CCDC178: variants seen among roughly 807,000 people sequenced by gnomAD.
The protein encoded by CCDC178 is coiled-coil domain-containing protein 178.
In CCDC178, 126 loss-of-function variants were observed where a neutral mutation model predicts 117.4. That is an observed-to-expected ratio of 1.07 (90% CI 0.93 to 1.24). CCDC178 has a LOEUF of 1.24. Among genes scored for constraint, CCDC178 ranks in the 50% most tolerant of loss-of-function variants. The pLI is 0.00. For missense variants in CCDC178, 1,030 were observed against 986.9 expected (o/e 1.04, Z -0.59); for synonymous variants, 283 against 313.4 (o/e 0.90, Z 1.02).
intron 5 of CCDC178, among the ~76,000 whole-genome samples, chr18:33,381,186 C>T (rs1411233705): frequency 6.6e-6 from 1 of 152,074 alleles, no homozygotes; most frequent in Non-Finnish European, 1.5e-5. Context: ...TTAATTAGAT[C>T]AGGACCTTGT....
At chr18:33,200,903 C>T (rs537766814) in intron 20 of CCDC178, among the ~76,000 whole-genome samples, 5 of 152,316 alleles carry the variant, frequency 3.3e-5, no homozygotes, top group African/African-American at 1.2e-4. Flanking sequence ...TCTGACAACA[C>T]ATGACTTCAA....
intron 14 of CCDC178, 105 bp downstream of exon 14, chr18:33,266,811 A>T (rs1261044532): frequency 8.6e-7 from 1 of 1,160,176 alleles, no homozygotes; most frequent in Admixed American, 3.4e-5. Flanking sequence ...GCTACTGATA[A>T]ACAAAAACAC....
intron 20 of CCDC178, among the ~76,000 whole-genome samples, chr18:33,133,813 G>A (rs1264776554): frequency 2.0e-5 from 3 of 151,896 alleles, no homozygotes; most frequent in African/African-American, 4.8e-5. Flanking sequence ...TTTCTGGGAC[G>A]TTTTCCTGTA....
intron 21 of CCDC178, among the ~76,000 whole-genome samples, chr18:33,067,703 C>T (rs1298724229): frequency 3.3e-5 from 5 of 151,916 alleles, no homozygotes; most frequent in African/African-American, 7.3e-5. Context: ...ATTAGCCCGG[C>T]GTGGTGGGGC....
chr18:33,283,260 C>T (rs1016425522), intron 12 of CCDC178, among the ~76,000 whole-genome samples: 7 of 152,034 alleles, frequency 4.6e-5, no homozygotes, highest in African/African-American at 1.4e-4. Context: ...CGAAGTCAGT[C>T]GGCTGAATCC....
intron 10 of CCDC178, among the ~76,000 whole-genome samples, chr18:33,325,429 T>C (rs1404822308): frequency 6.6e-6 from 1 of 152,058 alleles, no homozygotes; most frequent in Non-Finnish European, 1.5e-5. Context: ...ATAATTTAAG[T>C]AATTTTTCAA....
intron 12 of CCDC178, among the ~76,000 whole-genome samples, chr18:33,292,898 C>A (rs188528159): frequency 1.7e-4 from 26 of 152,122 alleles, no homozygotes; most frequent in Non-Finnish European, 3.4e-4. Context: ...TTTAGTCTTG[C>A]CAGACCTGGG....
intron 9 of CCDC178, among the ~76,000 whole-genome samples, chr18:33,337,099 G>A (rs944573652): frequency 6.7e-6 from 1 of 149,818 alleles, no homozygotes; most frequent in African/African-American, 2.5e-5. Context: ...AGTTTTCCTT[G>A]CAGAGGTCTT....
At chr18:32,946,531 T>C (rs932397745) in intron 22 of CCDC178, among the ~76,000 whole-genome samples, 9 of 152,172 alleles carry the variant, frequency 5.9e-5, no homozygotes, top group African/African-American at 2.2e-4. Flanking sequence ...TTCTATATAC[T>C]GATCCTCAAA....
At chr18:33,126,997 A>AAAAATAT (rs71266914) in intron 20 of CCDC178, among the ~76,000 whole-genome samples, 1 of 141,186 alleles carries the variant, frequency 7.1e-6, no homozygotes, top group African/African-American at 2.7e-5. Flanking sequence ...AAAAAAAAAA[A>AAAAATAT]ATATATATAT....
At chr18:33,183,160 T>C (rs1237955521) in intron 20 of CCDC178, among the ~76,000 whole-genome samples, 1 of 152,086 alleles carries the variant, frequency 6.6e-6, no homozygotes, top group Non-Finnish European at 1.5e-5. Flanking sequence ...TCTTTTTTTG[T>C]TGTGGTATAT....
At chr18:33,024,863 G>C (rs987483314) in intron 21 of CCDC178, among the ~76,000 whole-genome samples, 2 of 151,432 alleles carry the variant, frequency 1.3e-5, no homozygotes, top group Admixed American at 1.3e-4. Context: ...GTGTTACCCA[G>C]GATGGTCTTG....
intron 5 of CCDC178, among the ~76,000 whole-genome samples, chr18:33,379,090 C>A (rs1451981410): frequency 4.1e-5 from 5 of 122,674 alleles, no homozygotes; most frequent in Non-Finnish European, 6.8e-5. Flanking sequence ...CTTTTTATTT[C>A]TTTGCCGTAT....
In CCDC178 at chr18:32,981,069, G is replaced by A. The variant is rs532023496; in HGVS notation, c.2389-6388C>T. 2.0e-5 allele frequency among the ~76,000 whole-genome samples: 3 copies of A among 152,286 alleles called. No homozygotes were observed. The East Asian group carries it at 5.8e-4, about 29-fold the overall frequency. On this transcript the variant is annotated intron_variant, in intron 21 of 22. Coordinates refer to ENST00000383096, the MANE Select transcript of CCDC178 (RefSeq NM_001105528.4). ...TTTAAAATAAACACACTGGCCGTAT[G>A]TGGTGGCTCATGTCTGTAATCCCAG...
At chr18:32,945,969 T>A (rs538165236) in intron 22 of CCDC178, among the ~76,000 whole-genome samples, 2 of 152,222 alleles carry the variant, frequency 1.3e-5, no homozygotes, top group Admixed American at 1.3e-4. Flanking sequence ...TCTTTCTTTA[T>A]GTTAAAAGCT....
intron 21 of CCDC178, among the ~76,000 whole-genome samples, chr18:33,030,999 C>T (rs926750823): frequency 1.3e-5 from 2 of 152,056 alleles, no homozygotes; most frequent in African/African-American, 2.4e-5. Flanking sequence ...GGACCTGGGT[C>T]AGTTGGGGGC....
intron 21 of CCDC178, among the ~76,000 whole-genome samples, chr18:33,023,853 G>C (rs550844207): frequency 6.6e-5 from 10 of 152,212 alleles, no homozygotes; most frequent in Non-Finnish European, 1.2e-4. Flanking sequence ...TAGCAAGACT[G>C]TCAAAGAATA....
chr18:33,055,832 T>C (rs1283533704), intron 21 of CCDC178, among the ~76,000 whole-genome samples: 1 of 148,152 alleles, frequency 6.7e-6, no homozygotes. Flanking sequence ...TGAGAAGGAG[T>C]CTTGCTCTGT....
chr18:33,052,139 A>C (rs527904593), intron 21 of CCDC178, among the ~76,000 whole-genome samples: 1 of 152,182 alleles, frequency 6.6e-6, no homozygotes, highest in Non-Finnish European at 1.5e-5. Context: ...TTTTAGAAGA[A>C]GCTAATGGCA....
Sources: allele counts gnomAD v4.1 joint callset (sites outside exome capture counted in the v4.1 genomes callset), GRCh38; gene constraint gnomAD v4.1.1; transcripts MANE v1.5; gene names NCBI Gene and HGNC (gene_info 2026-07-23, HGNC 2026-07-21).